Variants in GRID2 observed in about 807,000 individuals in gnomAD.
GRID2 encodes the protein glutamate receptor ionotropic, delta-2.
Under a neutral mutation model 114.8 loss-of-function variants are expected in GRID2, and 33 were observed. The observed-to-expected ratio is 0.29, with a 90% CI of 0.22 to 0.38. The LOEUF is 0.38. Ranked by LOEUF, GRID2 falls within the 10% of genes least tolerant of loss-of-function variation. The pLI, the probability that GRID2 is intolerant of heterozygous loss-of-function variation, is 1.00. For synonymous variants in GRID2, 505 were observed against 449.9 expected, an observed-to-expected ratio of 1.12 and a Z score of -1.55; for missense variants, 1,184 against 1,257.7, an observed-to-expected ratio of 0.94 and a Z score of 0.89.
intron 14 of GRID2, among the ~76,000 whole-genome samples, chr4:93,705,370 G>A (rs531062675): frequency 4.0e-5 from 6 of 149,184 alleles, no homozygotes; most frequent in African/African-American, 9.9e-5. Context: ...TCGCTGTGTC[G>A]CTCAGGTTGG....
Position 92,366,284 on chromosome 4 carries a change from A to G in GRID2, c.88+61540A>G, listed in dbSNP as rs190082996. 3.1e-3 allele frequency among the ~76,000 whole-genome samples: 476 copies of G among 151,784 alleles called. 7 individuals are homozygous for G. Among genetic ancestry groups the G allele is most frequent in the Non-Finnish European group, 4.7e-4 (32 of 67,850 alleles). On this transcript the variant is annotated intron_variant, in intron 1 of 15. Coordinates refer to ENST00000282020, the MANE Select transcript of GRID2 (RefSeq NM_001510.4). ...TTCCCATATTACATTCCTTATCTCA[A>G]CTCCTTGGAATCAGATAGAATGGTG...
intron 1 of GRID2, among the ~76,000 whole-genome samples, chr4:92,380,450 G>C (rs981844814): frequency 6.6e-6 from 1 of 151,744 alleles, no homozygotes; most frequent in African/African-American, 2.4e-5. Flanking sequence ...AATGATATCA[G>C]GTATTTATAA....
At chr4:92,695,031 A>C (rs774014096) in intron 2 of GRID2, among the ~76,000 whole-genome samples, 1 of 152,056 alleles carries the variant, frequency 6.6e-6, no homozygotes, top group Admixed American at 6.6e-5. Context: ...CAGTGGTGCA[A>C]TCTCGGCTCA....
chr4:93,434,544 A>G (rs955900825), intron 10 of GRID2, among the ~76,000 whole-genome samples: 2 of 152,076 alleles, frequency 1.3e-5, no homozygotes, highest in Non-Finnish European at 2.9e-5. Context: ...ACAGCAGCAG[A>G]AAACAAAAAC....
chr4:93,286,890 G>A (rs1353511559), intron 8 of GRID2, among the ~76,000 whole-genome samples: 1 of 151,676 alleles, frequency 6.6e-6, no homozygotes, highest in Admixed American at 6.6e-5. Flanking sequence ...AATAATTAGG[G>A]GACTAATATC....
chr4:93,404,547 T>G (rs1766220009), intron 9 of GRID2, among the ~76,000 whole-genome samples: 1 of 152,096 alleles, frequency 6.6e-6, no homozygotes, highest in African/African-American at 2.4e-5. Context: ...ATAATATAAA[T>G]TACCTACCTC....
chr4:92,534,754 C>T (rs7662251), intron 1 of GRID2, among the ~76,000 whole-genome samples: 67,445 of 151,942 alleles, frequency 0.44, 15,122 homozygotes, highest in Middle Eastern at 0.56. Flanking sequence ...CAAAACAAAG[C>T]AGTATTTATC....
At chr4:92,613,065 A>C (rs1468733083) in intron 2 of GRID2, among the ~76,000 whole-genome samples, 2 of 151,386 alleles carry the variant, frequency 1.3e-5, no homozygotes, top group Non-Finnish European at 3.0e-5. Flanking sequence ...ATATTTTCCA[A>C]AGATGCTATT....
intron 8 of GRID2, among the ~76,000 whole-genome samples, chr4:93,374,928 A>G (rs564705423): frequency 2.0e-5 from 3 of 152,174 alleles, no homozygotes; most frequent in East Asian, 1.9e-4. Flanking sequence ...GCTTCTTTCA[A>G]TTTCATTTCC....
At chr4:92,446,992 C>T (rs560598246) in intron 1 of GRID2, among the ~76,000 whole-genome samples, 3 of 152,166 alleles carry the variant, frequency 2.0e-5, no homozygotes, top group Non-Finnish European at 4.4e-5. Context: ...AGCTAGTCAG[C>T]AAGGGTTCAG....
At chr4:93,314,473 T>C (rs1756372368) in intron 8 of GRID2, among the ~76,000 whole-genome samples, 1 of 152,042 alleles carries the variant, frequency 6.6e-6, no homozygotes, top group Non-Finnish European at 1.5e-5. Flanking sequence ...TAGAAGCTAC[T>C]TTGCTGTTCA....
intron 2 of GRID2, among the ~76,000 whole-genome samples, chr4:92,967,449 A>G (rs1753226612): frequency 6.6e-6 from 1 of 151,702 alleles, no homozygotes; most frequent in African/African-American, 2.4e-5. Flanking sequence ...TTTATTATTC[A>G]TTTGTTTATC....
chr4:93,761,578 T>TAGTCTAAA (rs1248217149), intron 14 of GRID2, among the ~76,000 whole-genome samples: 1 of 152,176 alleles, frequency 6.6e-6, no homozygotes, highest in Non-Finnish European at 1.5e-5. Flanking sequence ...TGCTGACCTC[T>TAGTCTAAA]AGTCTAAAAG....
chr4:92,361,984 A>G (rs1728640999), intron 1 of GRID2, among the ~76,000 whole-genome samples: 1 of 152,040 alleles, frequency 6.6e-6, no homozygotes, highest in South Asian at 2.1e-4. Context: ...AAATATAATG[A>G]GAAGAGAAAA....
chr4:93,701,703 T>C (rs1033773794), intron 14 of GRID2, among the ~76,000 whole-genome samples: 1 of 151,968 alleles, frequency 6.6e-6, no homozygotes, highest in African/African-American at 2.4e-5. Flanking sequence ...TAAAAATATA[T>C]AAAAGGCAGG....
intron 2 of GRID2, among the ~76,000 whole-genome samples, chr4:92,989,583 T>A (rs1303689672): frequency 1.3e-5 from 2 of 152,170 alleles, no homozygotes; most frequent in Non-Finnish European, 2.9e-5. Flanking sequence ...TAGTATTTGA[T>A]GTCATTTTAC....
chr4:93,281,120 G>A (rs1162007055), intron 8 of GRID2, among the ~76,000 whole-genome samples: 4 of 151,756 alleles, frequency 2.6e-5, no homozygotes, highest in Non-Finnish European at 2.9e-5. Flanking sequence ...GCAGAGAAGA[G>A]GAATAATAAT....
At chr4:92,918,767 G>A (rs1289417759) in intron 2 of GRID2, among the ~76,000 whole-genome samples, 1 of 152,082 alleles carries the variant, frequency 6.6e-6, no homozygotes, top group East Asian at 1.9e-4. Context: ...ATTTTATTGA[G>A]GATTTTTGCA....
At chr4:93,077,326 C>A (rs1460907811) in intron 2 of GRID2, among the ~76,000 whole-genome samples, 3 of 152,086 alleles carry the variant, frequency 2.0e-5, no homozygotes, top group Non-Finnish European at 2.9e-5. Context: ...ACTGAGAAAG[C>A]AATGTAAAAT....
Sources: allele counts gnomAD v4.1 joint callset (sites outside exome capture counted in the v4.1 genomes callset), GRCh38; gene constraint gnomAD v4.1.1; transcripts MANE v1.5; gene names NCBI Gene and HGNC (gene_info 2026-07-23, HGNC 2026-07-21).